Variants in ENTPD4 observed in about 807,000 individuals in gnomAD.
The protein encoded by ENTPD4 is ectonucleoside triphosphate diphosphohydrolase 4, also known as Golgi UDPase.
ENTPD4 carries 60 observed loss-of-function variants against 79.1 expected under a neutral mutation model. That is an observed-to-expected ratio of 0.76 (90% CI 0.62 to 0.94). The LOEUF is 0.94. Among genes scored for constraint, ENTPD4 ranks in the 40% least tolerant of loss-of-function variants. The pLI, the probability that ENTPD4 is intolerant of heterozygous loss-of-function variation, is 0.00. For synonymous variants in ENTPD4, 276 were observed against 292.0 expected (o/e 0.95, Z 0.56); for missense variants, 772 against 775.1 (o/e 1.00, Z 0.05).
At chr8:23,436,751 T>C (rs1800568858) in intron 10 of ENTPD4, among the ~76,000 whole-genome samples, 183 bp downstream of exon 10, 1 of 152,158 alleles carries the variant, frequency 6.6e-6, no homozygotes, top group African/African-American at 2.4e-5. Flanking sequence ...GTACAGTACA[T>C]TTTTTACTTC....
intron 1 of ENTPD4, among the ~76,000 whole-genome samples, chr8:23,456,156 A>G (rs1316293221): frequency 6.6e-6 from 1 of 152,190 alleles, no homozygotes; most frequent in Non-Finnish European, 1.5e-5. Context: ...TTATCCATCA[A>G]CTGGTCCACC....
chr8:23,456,580 T>C (rs1585414279), intron 1 of ENTPD4, among the ~76,000 whole-genome samples: 1 of 152,176 alleles, frequency 6.6e-6, no homozygotes, highest in Non-Finnish European at 1.5e-5. Flanking sequence ...AAGCCATAGA[T>C]TCAACATGCA....
At position 23,434,335 on chromosome 8, in the gene ENTPD4, G is replaced by C. The variant is rs372675495; in HGVS notation, c.1604C>G (p.Thr535Ser). 2 of 1,614,012 alleles carry C rather than the reference G, an allele frequency of 1.2e-6. No homozygotes were observed. The highest frequency in any genetic ancestry group is 2.7e-5 in the African/African-American group (2 of 74,920). ...GCCCTACCTTAATGGTAGAAAGCGGGTCCTGTAGAGGATGGCTCCAAGGGT... is the reference window on the plus strand; with the variant it reads ...GCCCTACCTTAATGGTAGAAAGCGGCTCCTGTAGAGGATGGCTCCAAGGGT... ...QWTLGAILYR[T>S]RFLPLRDIQQ... The change falls in exon 12 of 13, where the codon ACC (threonine) becomes AGC (serine). Residue 535 changes from threonine to serine, a missense_variant. Transcript: ENST00000358689.
chr8:23,456,832 A>C (rs925372550), intron 1 of ENTPD4, among the ~76,000 whole-genome samples: 1 of 152,224 alleles, frequency 6.6e-6, no homozygotes, highest in African/African-American at 2.4e-5. Flanking sequence ...CTGGGCTTTG[A>C]GTGTCTAATT....
intron 9 of ENTPD4, among the ~76,000 whole-genome samples, chr8:23,438,985 T>G (rs1169623617): frequency 2.0e-5 from 3 of 152,156 alleles, no homozygotes; most frequent in African/African-American, 7.2e-5. Context: ...TCAAAATTGT[T>G]TCATCAAAAT....
In ENTPD4 at chr8:23,430,758, A is replaced by G; in HGVS notation, c.*2168T>C. 1 of 985,586 alleles carries G rather than the reference A, an allele frequency of 1.0e-6. No individual in the cohort carries two copies. The highest frequency in any genetic ancestry group is 1.2e-6 in the Non-Finnish European group (1 of 830,150). 61.1% of individuals were successfully genotyped at this position (985,586 alleles called of 1,614,324 possible). A position where few individuals can be genotyped will look rare whatever the true frequency, so the allele number is the denominator to read the frequency against. The stretch of plus-strand genomic sequence containing the variant: ...CCCTGGGTGCCCACCTGCCCACTTC[A>G]ACCATTTGTGGCCCCTTCCTTTCCT... On this transcript the variant is annotated 3_prime_UTR_variant, in exon 13 of 13. Transcript: ENST00000358689.
chr8:23,451,021 TC>T (rs1280626268), intron 1 of ENTPD4, among the ~76,000 whole-genome samples: 1 of 122,564 alleles, frequency 8.2e-6, no homozygotes, highest in Admixed American at 9.3e-5. Flanking sequence ...TTTTTTCTTT[TC>T]TTTTTTTTTT....
At chr8:23,440,075 T>A (rs2117285574) in intron 8 of ENTPD4, 160 bp from the exon 9 acceptor site, 1 of 576,240 alleles carries the variant, frequency 1.7e-6, no homozygotes, top group Non-Finnish European at 3.0e-6. Context: ...AATATGACAA[T>A]TCTGATTTAG....
At chr8:23,438,221 G>A (rs1800606061) in intron 9 of ENTPD4, among the ~76,000 whole-genome samples, 1 of 152,202 alleles carries the variant, frequency 6.6e-6, no homozygotes, top group African/African-American at 2.4e-5. Flanking sequence ...TGGATACTGT[G>A]AAATCACAGG....
In ENTPD4 at chr8:23,434,217, A is replaced by C. The variant is rs546328505; in HGVS notation, c.1622+100T>G. 3.4e-6 allele frequency: 5 copies of C among 1,483,926 alleles called. No homozygotes were observed. In the East Asian group the frequency reaches 1.1e-4, roughly 34 times the overall value. 91.9% of individuals were successfully genotyped at this position (1,483,926 alleles called of 1,614,324 possible). On this transcript the variant is annotated intron_variant, in intron 12 of 12. Coordinates refer to ENST00000358689, the MANE Select transcript of ENTPD4 (RefSeq NM_004901.5). ...TACAATTCTGCCGTGGCCGGCTCTA[A>C]CAGCAATGCCCCAAACAGCCACAGA...
rs772347939 is a variant in ENTPD4 at position 23,436,915 on chromosome 8, C to T, written c.1374+19G>A. 34 of 1,551,590 alleles carry T rather than the reference C, an allele frequency of 2.2e-5. No individual in the cohort carries two copies. The highest frequency in any genetic ancestry group is 8.2e-5 in the African/African-American group (6 of 72,960). On this transcript the variant is annotated intron_variant, in intron 10 of 12. Transcript: ENST00000358689. ...GTCTCTCAAAAGCATGCAGAGCAGA[C>T]GGCGTCTCTCAAGGGTACCTTTGCA...
At chr8:23,439,635 TA>T in intron 9 of ENTPD4, 113 bp downstream of exon 9, 1 of 948,140 alleles carries the variant, frequency 1.1e-6, no homozygotes, top group Non-Finnish European at 1.6e-6. Context: ...AATAAAAAGC[TA>T]ACAGTGCAAC....
chr8:23,430,112 G>A lies in ENTPD4; in HGVS notation c.*2814C>T. 1 of 985,392 alleles carries A rather than the reference G, an allele frequency of 1.0e-6. No homozygotes were observed. Among genetic ancestry groups the A allele is most frequent in the Non-Finnish European group, 1.2e-6 (1 of 829,932 alleles). The allele number at this position is 985,392 out of a possible 1,614,324, so 61.0% of individuals were successfully genotyped here. A position where few individuals can be genotyped will look rare whatever the true frequency, so the allele number is the denominator to read the frequency against. ...AGCTCTTGGTATGAATTCTTCTCTT[G>A]AATTAAGATCCTCCCTGGCTTGTCT... On this transcript the variant is annotated 3_prime_UTR_variant, in exon 13 of 13. Transcript: ENST00000358689.
intron 12 of ENTPD4, 111 bp from the exon 13 acceptor site, chr8:23,433,265 G>A: frequency 1.3e-6 from 1 of 788,214 alleles, no homozygotes; most frequent in Non-Finnish European, 2.1e-6. Flanking sequence ...TTTAGGAACT[G>A]CAACCCTACC....
chr8:23,440,758 A>G (rs1440362545), intron 8 of ENTPD4, among the ~76,000 whole-genome samples: 1 of 152,190 alleles, frequency 6.6e-6, no homozygotes, highest in African/African-American at 2.4e-5. Context: ...TAAACCTTCT[A>G]ATAACCCCAT....
intron 1 of ENTPD4, among the ~76,000 whole-genome samples, chr8:23,455,333 G>T (rs1369315893): frequency 6.6e-6 from 1 of 152,198 alleles, no homozygotes; most frequent in Non-Finnish European, 1.5e-5. Context: ...CTTCAGAAAA[G>T]AATGATTTGA....
Position 23,431,765 on chromosome 8 carries a change from G to A in ENTPD4, c.*1161C>T. The A allele has an allele frequency of 5.1e-6, 5 of 985,438 alleles. No individual in the cohort carries two copies. The highest frequency in any genetic ancestry group is 6.0e-6 in the Non-Finnish European group (5 of 829,938). The allele number at this position is 985,438 out of a possible 1,614,324, so 61.0% of individuals were successfully genotyped here. A position where few individuals can be genotyped will look rare whatever the true frequency, so the allele number is the denominator to read the frequency against. ...TTAAGCAGAAACACTGAGGAATACT[G>A]AGCAAGAAGTGGGCATGTGCTCTAG... On this transcript the variant is annotated 3_prime_UTR_variant, in exon 13 of 13. Coordinates refer to ENST00000358689, the MANE Select transcript of ENTPD4 (RefSeq NM_004901.5).
intron 3 of ENTPD4, 24 bp downstream of exon 3, chr8:23,448,718 A>G: frequency 6.2e-7 from 1 of 1,601,296 alleles, no homozygotes; most frequent in South Asian, 1.1e-5. Flanking sequence ...TCTGGTCTAG[A>G]AAGCAAATGT....
chr8:23,431,379 C>G lies in ENTPD4; in HGVS notation c.*1547G>C. On this transcript the variant is annotated 3_prime_UTR_variant, in exon 13 of 13. Transcript: ENST00000358689. ...AGTTAGGGAACAGCACACACAGACA[C>G]TCGCACAAAACAAACTCCACCTAAA... 1.0e-6 allele frequency: 1 copy of G among 985,404 alleles called. No individual in the cohort carries two copies. The highest frequency in any genetic ancestry group is 1.2e-6 in the Non-Finnish European group (1 of 829,922). The allele number at this position is 985,404 out of a possible 1,614,324, so 61.0% of individuals were successfully genotyped here.
Sources: allele counts gnomAD v4.1 joint callset (sites outside exome capture counted in the v4.1 genomes callset), GRCh38; gene constraint gnomAD v4.1.1; transcripts MANE v1.5; gene names NCBI Gene and HGNC (gene_info 2026-07-23, HGNC 2026-07-21).